Variants in NAV3 observed in about 807,000 individuals in gnomAD.
NAV3 encodes neuron navigator 3.
Under a neutral mutation model 244.7 loss-of-function variants are expected in NAV3, and 87 were observed. The ratio of observed to expected loss-of-function variants is 0.36; its 90% CI spans 0.30 to 0.42. The LOEUF (loss-of-function observed/expected upper bound fraction) is 0.42. Among genes scored for constraint, NAV3 ranks in the 20% least tolerant of loss-of-function variants. NAV3 has a pLI of 1.00. For missense variants in NAV3, 2,663 were observed against 2,893.3 expected (o/e 0.92, Z 1.83); for synonymous variants, 1,126 against 1,042.2 (o/e 1.08, Z -1.55).
intron 2 of NAV3, among the ~76,000 whole-genome samples, chr12:77,787,635 G>A (rs555084467): frequency 3.9e-5 from 6 of 152,094 alleles, no homozygotes; most frequent in Non-Finnish European, 7.4e-5. Flanking sequence ...GCAGCGAGGG[G>A]GAAGCTGCCC....
intron 19 of NAV3, among the ~76,000 whole-genome samples, chr12:78,138,705 A>G (rs1228786040): frequency 6.6e-6 from 1 of 152,184 alleles, no homozygotes; most frequent in Non-Finnish European, 1.5e-5. Flanking sequence ...TGCTAAGCAT[A>G]CAGATGGCTT....
At chr12:77,673,211 C>G (rs1316826537) in intron 2 of NAV3, among the ~76,000 whole-genome samples, 1 of 152,026 alleles carries the variant, frequency 6.6e-6, no homozygotes, top group Non-Finnish European at 1.5e-5. Context: ...TCTCAAAACT[C>G]CATTAACAAT....
chr12:77,599,655 C>T (rs895280901), intron 2 of NAV3, among the ~76,000 whole-genome samples: 3 of 151,486 alleles, frequency 2.0e-5, no homozygotes, highest in Non-Finnish European at 4.4e-5. Flanking sequence ...CAAGTATTTT[C>T]AAACCCTTTT....
intron 1 of NAV3, among the ~76,000 whole-genome samples, chr12:77,885,520 A>G (rs993788268): frequency 6.6e-6 from 1 of 152,158 alleles, no homozygotes; most frequent in Non-Finnish European, 1.5e-5. Context: ...TTGGCCATAT[A>G]TGAAGTTTCT....
rs533940448 is a variant in NAV3 at position 77,778,558 on chromosome 12, A to G, written c.73-161761A>G. Reference sequence around the variant, plus strand: ...ACTCAGGAGACAGAGCTTGCAGTGAACTGAGATCGCGCCACTGCACTCCAG... The same window carrying G: ...ACTCAGGAGACAGAGCTTGCAGTGAGCTGAGATCGCGCCACTGCACTCCAG... On this transcript the variant is annotated intron_variant, in intron 2 of 8. Transcript: ENST00000550042. Among the ~76,000 whole-genome samples the G allele has an allele frequency of 8.8e-4, 132 of 150,684 alleles. 1 individual carries two copies. Among genetic ancestry groups the G allele is most frequent in the African/African-American group, 2.9e-3 (117 of 40,972 alleles).
intron 2 of NAV3, among the ~76,000 whole-genome samples, chr12:77,804,363 G>A (rs147444090): frequency 2.3e-4 from 35 of 152,192 alleles, no homozygotes; most frequent in African/African-American, 7.5e-4. Context: ...GGTGTATAAG[G>A]GGTACAGTTT....
chr12:77,892,410 C>T (rs1016593614), intron 1 of NAV3, among the ~76,000 whole-genome samples: 2 of 151,752 alleles, frequency 1.3e-5, no homozygotes, highest in Non-Finnish European at 2.9e-5. Context: ...TAAAATTAGA[C>T]CATTTGAATT....
intron 30 of NAV3, among the ~76,000 whole-genome samples, chr12:78,182,420 G>A (rs1220849356): frequency 6.6e-6 from 1 of 151,922 alleles, no homozygotes; most frequent in Non-Finnish European, 1.5e-5. Flanking sequence ...AAAAGACAAA[G>A]GCCAGTACCT....
At chr12:77,762,399 C>T (rs1263562467) in intron 2 of NAV3, among the ~76,000 whole-genome samples, 1 of 151,812 alleles carries the variant, frequency 6.6e-6, no homozygotes, top group Admixed American at 6.6e-5. Context: ...GCACATTCTG[C>T]ACATGTATCC....
At chr12:78,055,681 G>A (rs1313170282) in intron 11 of NAV3, among the ~76,000 whole-genome samples, 1 of 152,162 alleles carries the variant, frequency 6.6e-6, no homozygotes, top group Non-Finnish European at 1.5e-5. Context: ...TGGCAAAAGA[G>A]GGGAAGACCC....
Position 77,687,164 on chromosome 12 carries a change from A to T in NAV3, c.72+114898A>T, listed in dbSNP as rs531187751. ...GTCTATCTAGTTTACTACTTCTTTTATACTATCAGCCCGGAAAACTGTGAG... is the reference window on the plus strand; with the variant it reads ...GTCTATCTAGTTTACTACTTCTTTTTTACTATCAGCCCGGAAAACTGTGAG... On this transcript the variant is annotated intron_variant, in intron 2 of 8. Transcript: ENST00000550042. 2.6e-5 allele frequency among the ~76,000 whole-genome samples: 4 copies of T among 152,158 alleles called. No individual in the cohort carries two copies. The South Asian group carries it at 8.3e-4, about 32-fold the overall frequency.
intron 2 of NAV3, among the ~76,000 whole-genome samples, chr12:77,736,475 G>T (rs1877339204): frequency 6.6e-6 from 1 of 152,094 alleles, no homozygotes; most frequent in Non-Finnish European, 1.5e-5. Context: ...ATTAACTAGG[G>T]GTCTGGGATC....
chr12:77,885,130 T>C (rs1251640471), intron 1 of NAV3, among the ~76,000 whole-genome samples: 2 of 152,090 alleles, frequency 1.3e-5, no homozygotes, highest in African/African-American at 4.8e-5. Context: ...CATTTTTTAA[T>C]CATTTATCTT....
intron 4 of NAV3, among the ~76,000 whole-genome samples, chr12:77,967,664 CT>C (rs1460609073): frequency 1.3e-5 from 2 of 151,936 alleles, no homozygotes; most frequent in Non-Finnish European, 2.9e-5. Context: ...GCTTTACATC[CT>C]TCTCTTTTCC....
chr12:77,859,598 C>T (rs1243843514), intron 1 of NAV3, among the ~76,000 whole-genome samples: 1 of 145,462 alleles, frequency 6.9e-6, no homozygotes, highest in Non-Finnish European at 1.5e-5. Flanking sequence ...TGCACATGTA[C>T]CCTAAAACTT....
At chr12:77,722,536 A>C (rs1876685298) in intron 2 of NAV3, among the ~76,000 whole-genome samples, 1 of 152,110 alleles carries the variant, frequency 6.6e-6, no homozygotes, top group Non-Finnish European at 1.5e-5. Flanking sequence ...GTAATTTTAC[A>C]AAATGGGCAG....
chr12:77,867,284 G>A (rs1446684386), intron 1 of NAV3, among the ~76,000 whole-genome samples: 1 of 152,098 alleles, frequency 6.6e-6, no homozygotes, highest in East Asian at 1.9e-4. Context: ...TCTCTTTCCT[G>A]TCACCATCTA....
chr12:78,060,124 G>C (rs1884114479), intron 12 of NAV3, among the ~76,000 whole-genome samples: 1 of 152,074 alleles, frequency 6.6e-6, no homozygotes, highest in African/African-American at 2.4e-5. Context: ...TCTTCACTCA[G>C]AATTTTGACT....
At position 78,197,117 on chromosome 12, in the gene NAV3, A is replaced by C. The variant is rs566804838; in HGVS notation, c.6292-130A>C. On this transcript the variant is annotated intron_variant, in intron 34 of 39. Coordinates refer to ENST00000397909, the MANE Select transcript of NAV3 (RefSeq NM_001024383.2). ...GATTTGTAGGAAAAGATTTTACATC[A>C]GTTGAATAATCTATGACTTTAATGA... 2.0e-4 allele frequency: 114 copies of C among 579,572 alleles called. No homozygotes were observed. In the Middle Eastern group the frequency reaches 2.5e-3, roughly 13 times the overall value. 35.9% of individuals were successfully genotyped at this position (579,572 alleles called of 1,614,324 possible).
Sources: gnomAD v4.1 joint callset for allele counts (sites outside exome capture counted in the v4.1 genomes callset) on GRCh38, gnomAD v4.1.1 for gene constraint, MANE v1.5 for transcripts, NCBI Gene and HGNC (gene_info 2026-07-23, HGNC 2026-07-21) for gene names.